The following CFAP43 variants were observed in gnomAD, a reference collection of about 807,000 sequenced individuals.
CFAP43 encodes cilia- and flagella-associated protein 43.
A neutral mutation model predicts 218.9 loss-of-function variants in CFAP43; 155 were observed. That is an observed-to-expected ratio of 0.71 (90% CI 0.62 to 0.81). The LOEUF (loss-of-function observed/expected upper bound fraction) is 0.81. Ranked by LOEUF, CFAP43 falls within the 30% of genes least tolerant of loss-of-function variation. The pLI is 0.00. For synonymous variants in CFAP43, 645 were observed against 681.3 expected, an observed-to-expected ratio of 0.95 and a Z score of 0.83; for missense variants, 1,778 against 1,954.3, an observed-to-expected ratio of 0.91 and a Z score of 1.70.
intron 28 of CFAP43, among the ~76,000 whole-genome samples, 169 bp downstream of exon 28, chr10:104,152,438 G>C (rs551724867): frequency 1.4e-4 from 21 of 152,188 alleles, no homozygotes; most frequent in Admixed American, 7.2e-4. Flanking sequence ...GTTCAAAGAG[G>C]AAGTGTGGCA....
At chr10:104,167,864 A>G (rs1395487997) in intron 21 of CFAP43, 127 bp from the exon 22 acceptor site, 4 of 592,484 alleles carry the variant, frequency 6.8e-6, no homozygotes, top group Admixed American at 3.0e-5. Context: ...AGTAAAATTG[A>G]CAATGGAAAC....
chr10:104,135,643 G>GA (rs2087406392), intron 34 of CFAP43, among the ~76,000 whole-genome samples: 1 of 151,820 alleles, frequency 6.6e-6, no homozygotes, highest in South Asian at 2.1e-4. Flanking sequence ...ATATCAGAAA[G>GA]AAAAAACCTA....
chr10:104,193,998 C>A lies in CFAP43; in HGVS notation c.1310G>T (p.Cys437Phe). Residue 437 changes from cysteine (C) to phenylalanine (F), a missense_variant, in exon 11 of 38, where the codon TGC (cysteine) becomes TTC (phenylalanine). Around this residue, in one of 3 missense-constraint regions of CFAP43, gnomAD observed 1,553 missense variants for 1,685.2 expected, o/e 0.92. Transcript: ENST00000357060. ...YLNTLATVLA[C>F]CPSSLSAAVG... ...GGCTGCAGAGAGGGAGGATGGACAG[C>A]AAGCCAGAACCGTTGCCTGTTTAAA... is the stretch of plus-strand genomic sequence containing the variant. 6.2e-7 allele frequency: 1 copy of A among 1,613,702 alleles called. No individual in the cohort carries two copies. The highest frequency in any genetic ancestry group is 8.5e-7 in the Non-Finnish European group (1 of 1,180,010).
In CFAP43 at chr10:104,193,897, A is replaced by G. The variant is rs1177961315; in HGVS notation, c.1411T>C (p.Phe471Leu). The G allele has an allele frequency of 1.2e-6, 2 of 1,614,090 alleles. 1 individual carries two copies. The highest frequency in any genetic ancestry group is 4.5e-5 in the East Asian group (2 of 44,884). The change falls in exon 11 of 38, where the codon TTT becomes CTT. Residue 471 changes from phenylalanine to leucine, a missense_variant. By Grantham distance (22) the Phe-to-Leu change is conservative. This residue lies in a region of CFAP43 where 1,553 missense variants were observed against 1,685.2 expected (regional missense o/e 0.92). Coordinates refer to ENST00000357060, the MANE Select transcript of CFAP43 (RefSeq NM_025145.7). ...KESPQVVHKA[F>L]LSESSVQHVV... is the part of the protein sequence containing the mutation. ...TGCTGCACGGACGATTCCGAGAGAA[A>G]GGCCTTGTGCACGACCTGAGGGGAT...
Position 104,166,647 on chromosome 10 carries a change from TTCA to T in CFAP43, c.2877_2879del (p.Asp959del), listed in dbSNP as rs2089170595. 1 of 1,614,168 alleles carries T rather than the reference TTCA, an allele frequency of 6.2e-7. No individual in the cohort carries two copies. Among genetic ancestry groups the T allele is most frequent in the East Asian group, 2.2e-5 (1 of 44,868 alleles). ...CTGTCTTGTCTTCCTCTTCCTCTTCTTCATCATCCTCTTCATGACGCTGTTTAA... is the reference window on the plus strand; with the variant it reads ...CTGTCTTGTCTTCCTCTTCCTCTTCTTCATCCTCTTCATGACGCTGTTTAA... On this transcript the variant is annotated inframe_deletion, in exon 23 of 38. Transcript: ENST00000357060.
Position 104,142,360 on chromosome 10 carries a change from C to T in CFAP43, c.4192G>A (p.Ala1398Thr). 2 of 1,613,288 alleles carry T rather than the reference C, an allele frequency of 1.2e-6. No homozygotes were observed. The highest frequency in any genetic ancestry group is 1.7e-6 in the Non-Finnish European group (2 of 1,179,648). ...KQKAADLLEM[A>T]TFLQKRVEEE... ...TCAACTCTCTTCTGGAGGAAAGTTG[C>T]CATTTCCAATAAGTCAGCTGCTTTC... is the stretch of plus-strand genomic sequence containing the variant. Residue 1398 changes from alanine to threonine, a missense_variant, in exon 33 of 38, where the codon GCA becomes ACA. Coordinates refer to ENST00000357060, the MANE Select transcript of CFAP43 (RefSeq NM_025145.7).
intron 8 of CFAP43, among the ~76,000 whole-genome samples, chr10:104,200,014 A>G (rs1008334475): frequency 3.3e-5 from 5 of 152,164 alleles, no homozygotes; most frequent in Non-Finnish European, 7.3e-5. Context: ...GAACTCCCCA[A>G]ACCTCCATGA....
rs2087106276 is a variant in CFAP43, at chr10:104,130,029, G to T, written c.*110C>A. ...TTTTTTATCTAAAACATGCAACTCA[G>T]AGGACATGCTACTTCAATTTCCCAG... On this transcript the variant is annotated 3_prime_UTR_variant, in exon 38 of 38. Coordinates refer to ENST00000357060, the MANE Select transcript of CFAP43 (RefSeq NM_025145.7). The T allele has an allele frequency of 7.7e-7, 1 of 1,301,076 alleles. No individual in the cohort carries two copies. The highest frequency in any genetic ancestry group is 2.6e-5 in the East Asian group (1 of 38,122). The allele number at this position is 1,301,076 out of a possible 1,614,324, so 80.6% of individuals were successfully genotyped here. A position where few individuals can be genotyped will look rare whatever the true frequency, so the allele number is the denominator to read the frequency against.
chr10:104,133,280 T>C (rs770406816), intron 35 of CFAP43, among the ~76,000 whole-genome samples: 7 of 151,852 alleles, frequency 4.6e-5, no homozygotes, highest in Non-Finnish European at 1.0e-4. Flanking sequence ...GTAAAAGAGG[T>C]AGAGTGGTAT....
chr10:104,145,791 T>G lies in CFAP43; in HGVS notation c.3856-227A>C, dbSNP rs144984346. ...TAAAAATATTATTTCATATAACAGG[T>G]CTTAGAAATCATCCAGAAGTTTCCC... On this transcript the variant is annotated intron_variant, in intron 30 of 37. Transcript: ENST00000357060. Among the ~76,000 whole-genome samples, 1,375 of 152,282 alleles carry G rather than the reference T, an allele frequency of 9.0e-3. 14 individuals are homozygous for G. Among genetic ancestry groups the G allele is most frequent in the African/African-American group, 0.032 (1,319 of 41,548 alleles).
At chr10:104,165,322 C>T (rs2089097754) in intron 23 of CFAP43, among the ~76,000 whole-genome samples, 1 of 152,180 alleles carries the variant, frequency 6.6e-6, no homozygotes, top group African/African-American at 2.4e-5. Flanking sequence ...ATCTGAACAG[C>T]TAGCACAAAA....
intron 3 of CFAP43, among the ~76,000 whole-genome samples, chr10:104,224,817 T>TAA (rs995049548): frequency 2.0e-5 from 3 of 152,022 alleles, no homozygotes; most frequent in African/African-American, 7.2e-5. Context: ...TCTAGGTACT[T>TAA]ACATTTTTGT....
At chr10:104,168,007 C>G (rs1228657642) in intron 21 of CFAP43, among the ~76,000 whole-genome samples, 1 of 152,132 alleles carries the variant, frequency 6.6e-6, no homozygotes, top group Non-Finnish European at 1.5e-5. Context: ...CCCTTCTCTC[C>G]CTATCCTTTG....
At chr10:104,164,498 C>T (rs903055739) in intron 23 of CFAP43, among the ~76,000 whole-genome samples, 198 bp from the exon 24 acceptor site, 11 of 151,638 alleles carry the variant, frequency 7.3e-5, no homozygotes, top group African/African-American at 2.4e-4. Context: ...CCCGGGTTCA[C>T]GCCATTCTCC....
chr10:104,182,711 T>A (rs1049315167), intron 16 of CFAP43, among the ~76,000 whole-genome samples, 198 bp from the exon 17 acceptor site: 1 of 152,304 alleles, frequency 6.6e-6, no homozygotes, highest in Non-Finnish European at 1.5e-5. Context: ...TCTTTTTTTT[T>A]TAATTTTTAT....
intron 11 of CFAP43, chr10:104,193,654 G>C (rs1589750622): frequency 1.9e-6 from 1 of 530,188 alleles, no homozygotes; most frequent in Non-Finnish European, 3.2e-6. Flanking sequence ...TGAGAAATTG[G>C]TACCAGGCTG....
rs1260782196 is a variant in CFAP43 at position 104,140,998 on chromosome 10, T to C, written c.4275A>G (p.Leu1425=). 5 of 1,607,940 alleles carry C rather than the reference T, an allele frequency of 3.1e-6. No homozygotes were observed. Among genetic ancestry groups the C allele is most frequent in the African/African-American group, 1.3e-5 (1 of 74,752 alleles). The part of the protein sequence containing the change: ...IERVFHELIL[L]QEEKVRFQLN... ...ACTGGAATCTCACTTTCTCTTCCTG[T>C]AATCTGAATTGAAAAGTACTTCAAA... The change falls in exon 34 of 38, where the codon TTA becomes TTG. Residue 1425 remains leucine (L), a synonymous_variant. Coordinates refer to ENST00000357060, the MANE Select transcript of CFAP43 (RefSeq NM_025145.7).
In CFAP43 at chr10:104,232,313, T is replaced by TCCG; in HGVS notation, c.-70_-68dup. On this transcript the variant is annotated 5_prime_UTR_variant, in exon 1 of 38. Transcript: ENST00000357060. ...CACCCCAGGGCGGGTCGGTTACCTTTCCGCCGCCGCGGGGCTGCGGGCCGC... is the reference window on the plus strand; with the variant it reads ...CACCCCAGGGCGGGTCGGTTACCTTTCCGCCGCCGCCGCGGGGCTGCGGGCCGC... 1 of 1,444,448 alleles carries TCCG rather than the reference T, an allele frequency of 6.9e-7. No individual in the cohort carries two copies. Among genetic ancestry groups the TCCG allele is most frequent in the Non-Finnish European group, 9.2e-7 (1 of 1,092,112 alleles). The allele number at this position is 1,444,448 out of a possible 1,614,324, so 89.5% of individuals were successfully genotyped here.
intron 16 of CFAP43, among the ~76,000 whole-genome samples, chr10:104,184,583 C>T (rs1400561734): frequency 6.6e-6 from 1 of 151,816 alleles, no homozygotes; most frequent in Non-Finnish European, 1.5e-5. Flanking sequence ...AAAAGCAAAC[C>T]GATCAATCCA....
Sources: gnomAD v4.1 joint callset for allele counts (sites outside exome capture counted in the v4.1 genomes callset) on GRCh38, gnomAD v4.1.1 for gene constraint, gnomAD v4.1.1 regional missense constraint, MANE v1.5 for transcripts, NCBI Gene and HGNC (gene_info 2026-07-23, HGNC 2026-07-21) for gene names.